The following SRD5A2 variants were observed in gnomAD, a reference collection of about 807,000 sequenced individuals.
The protein encoded by SRD5A2 is 3-oxo-5-alpha-steroid 4-dehydrogenase 2.
A neutral mutation model predicts 27.4 loss-of-function variants in SRD5A2; 30 were observed. That is an observed-to-expected ratio of 1.10 (90% CI 0.82 to 1.49). The LOEUF (loss-of-function observed/expected upper bound fraction) is 1.49. SRD5A2 is among the 40% of genes most tolerant of loss of function. SRD5A2 has a pLI of 0.00. For missense variants in SRD5A2, 348 were observed against 323.4 expected (o/e 1.08, Z -0.58); for synonymous variants, 141 against 133.6 (o/e 1.06, Z -0.38).
the SRD5A2 span, among the ~76,000 whole-genome samples, chr2:31,635,414 G>C: frequency 6.6e-6 from 1 of 151,954 alleles, no homozygotes; most frequent in African/African-American, 2.4e-5. Flanking sequence ...TTTTCCTACA[G>C]AGTTGTTTGA....
chr2:31,568,274 AT>A (rs1666777543), intron 1 of SRD5A2, among the ~76,000 whole-genome samples: 2 of 152,212 alleles, frequency 1.3e-5, no homozygotes, highest in South Asian at 4.1e-4. Context: ...GCAGGGGGGC[AT>A]GTTTCAGACC....
At chr2:31,629,158 T>A in the SRD5A2 span, among the ~76,000 whole-genome samples, 4 of 152,224 alleles carry the variant, frequency 2.6e-5, no homozygotes, top group South Asian at 8.3e-4. Flanking sequence ...GGAGAAGGTT[T>A]GTCCTAATTG....
intron 3 of SRD5A2, among the ~76,000 whole-genome samples, chr2:31,530,527 T>C (rs556521718): frequency 1.3e-5 from 2 of 152,340 alleles, no homozygotes; most frequent in East Asian, 1.9e-4. Context: ...ATGTAGATAC[T>C]GTTAGGATAT....
chr2:31,570,741 C>T (rs1456850629), intron 1 of SRD5A2, among the ~76,000 whole-genome samples: 2 of 152,186 alleles, frequency 1.3e-5, no homozygotes, highest in Non-Finnish European at 2.9e-5. Context: ...AACATCCAAA[C>T]TGACAGCCAA....
At chr2:31,550,845 T>C (rs540178455) in intron 1 of SRD5A2, among the ~76,000 whole-genome samples, 1 of 152,000 alleles carries the variant, frequency 6.6e-6, no homozygotes, top group Non-Finnish European at 1.5e-5. Context: ...TTCTTACTAC[T>C]TTTATTCAAC....
the SRD5A2 span, among the ~76,000 whole-genome samples, chr2:31,592,537 A>G: frequency 6.6e-6 from 1 of 152,210 alleles, no homozygotes; most frequent in African/African-American, 2.4e-5. Context: ...CTCTTTGTAG[A>G]CATTTTTCAG....
the SRD5A2 span, among the ~76,000 whole-genome samples, chr2:31,586,474 C>T: frequency 6.6e-6 from 1 of 152,164 alleles, no homozygotes; most frequent in South Asian, 2.1e-4. Context: ...TCAAGTCTGG[C>T]TGAGCACAGT....
upstream of SRD5A2, among the ~76,000 whole-genome samples, chr2:31,581,939 C>A (rs1197003995): frequency 6.6e-6 from 1 of 152,190 alleles, no homozygotes; most frequent in African/African-American, 2.4e-5. Flanking sequence ...CTACCTCTTC[C>A]GTTCTATGAT....
At chr2:31,646,602 C>T in the SRD5A2 span, among the ~76,000 whole-genome samples, 2 of 152,118 alleles carry the variant, frequency 1.3e-5, no homozygotes, top group Non-Finnish European at 2.9e-5. Context: ...ATTACATGGG[C>T]TTCCATGTGC....
chr2:31,580,785 C>T lies in SRD5A2; in HGVS notation c.116G>A (p.Ser39Asn). ...CAGGCGGGTAGCCGCCGGCTTCAGG[C>T]TCTCCGTGTGCTTCCCGTAGCCGGA... ...KPSGYGKHTE[S>N]LKPAATRLPA... The change falls in exon 1 of 5, where the codon AGC becomes AAC. Residue 39 changes from serine (S) to asparagine (N), a missense_variant. Physicochemically the swap from Ser to Asn is conservative, Grantham distance 46 (BLOSUM62 1). Coordinates refer to ENST00000622030, the MANE Select transcript of SRD5A2 (RefSeq NM_000348.4). 6.2e-7 allele frequency: 1 copy of T among 1,611,984 alleles called. No homozygotes were observed. The highest frequency in any genetic ancestry group is 8.5e-7 in the Non-Finnish European group (1 of 1,179,644).
In SRD5A2 at chr2:31,526,058, C is replaced by G. The variant is rs751831199; in HGVS notation, c.*138G>C. 9 of 595,558 alleles carry G rather than the reference C, an allele frequency of 1.5e-5. No homozygotes were observed. The highest frequency in any genetic ancestry group is 2.0e-5 in the Non-Finnish European group (7 of 341,850). 36.9% of individuals were successfully genotyped at this position (595,558 alleles called of 1,614,324 possible). On this transcript the variant is annotated 3_prime_UTR_variant, in exon 5 of 5. Transcript: ENST00000622030. ...TCTAAGCAGACACCACTCAGAATCC[C>G]CAGGCCAGCTGGCAGAACGCCAGGA...
upstream of SRD5A2, among the ~76,000 whole-genome samples, chr2:31,583,662 G>GAAAAAAAAAAAAAAAAAAAGGA (rs1491124261): frequency 1.4e-5 from 1 of 72,152 alleles, no homozygotes; most frequent in African/African-American, 6.5e-5. Flanking sequence ...CAAAAAAAAA[G>GAAAAAAAAAAAAAAAAAAAGGA]CAAAAAAAAA....
At chr2:31,533,930 G>A (rs1665971096) in intron 1 of SRD5A2, among the ~76,000 whole-genome samples, 164 bp from the exon 2 acceptor site, 1 of 152,012 alleles carries the variant, frequency 6.6e-6, no homozygotes, top group African/African-American at 2.4e-5. Context: ...TATATCACAG[G>A]CCAAAATAAT....
chr2:31,535,247 C>T (rs908387663), intron 1 of SRD5A2, among the ~76,000 whole-genome samples: 3 of 152,124 alleles, frequency 2.0e-5, no homozygotes, highest in African/African-American at 7.2e-5. Flanking sequence ...GTCTGGAACT[C>T]TTGACCTCGT....
At chr2:31,568,787 C>T (rs911242688) in intron 1 of SRD5A2, among the ~76,000 whole-genome samples, 2 of 152,246 alleles carry the variant, frequency 1.3e-5, no homozygotes, top group Non-Finnish European at 2.9e-5. Context: ...AAGCCACCCT[C>T]AGCCCCCACT....
chr2:31,551,132 G>T (rs1666373964), intron 1 of SRD5A2, among the ~76,000 whole-genome samples: 1 of 151,928 alleles, frequency 6.6e-6, no homozygotes, highest in African/African-American at 2.4e-5. Flanking sequence ...ACCATATTTT[G>T]TTGTAAATCT....
the SRD5A2 span, among the ~76,000 whole-genome samples, chr2:31,594,023 C>T: frequency 6.6e-6 from 1 of 152,046 alleles, no homozygotes; most frequent in Non-Finnish European, 1.5e-5. Context: ...GCCAGCACAG[C>T]ACTAAAAGAA....
chr2:31,614,926 C>T, the SRD5A2 span, among the ~76,000 whole-genome samples: 1 of 152,070 alleles, frequency 6.6e-6, no homozygotes, highest in South Asian at 2.1e-4. Flanking sequence ...TTCCCTCATA[C>T]TGTTTGCATA....
the SRD5A2 span, among the ~76,000 whole-genome samples, chr2:31,620,860 T>C: frequency 3.4e-4 from 50 of 147,392 alleles, 2 homozygotes; most frequent in East Asian, 8.9e-3. Flanking sequence ...TCCACGATGG[T>C]CTCAAAATAT....
Sources: allele counts gnomAD v4.1 joint callset (sites outside exome capture counted in the v4.1 genomes callset), GRCh38; gene constraint gnomAD v4.1.1; transcripts MANE v1.5; gene names NCBI Gene and HGNC (gene_info 2026-07-23, HGNC 2026-07-21).